Variants in SKI observed in about 807,000 individuals in gnomAD.
SKI encodes SKI proto-oncogene, also known as ski oncogene.
Under a neutral mutation model 59.3 loss-of-function variants are expected in SKI, and 23 were observed. That is an observed-to-expected ratio of 0.39 (90% CI 0.28 to 0.55). SKI has a LOEUF of 0.55. SKI is among the 20% of genes least tolerant of loss of function. The pLI is 0.67. For missense variants in SKI, 1,017 were observed against 1,038.9 expected (o/e 0.98, Z 0.29); for synonymous variants, 673 against 488.6 (o/e 1.38, Z -4.98).
At chr1:2,235,710 C>T (rs262680) in intron 1 of SKI, among the ~76,000 whole-genome samples, 59,279 of 152,036 alleles carry the variant, frequency 0.39, 12,506 homozygotes, top group East Asian at 0.64. Context: ...TGCTTATTTA[C>T]GAAAATGAAG....
At chr1:2,272,051 C>T (rs4648628) in intron 1 of SKI, among the ~76,000 whole-genome samples, 49,312 of 152,078 alleles carry the variant, frequency 0.32, 8,740 homozygotes, top group Admixed American at 0.44. Flanking sequence ...CTTGGGGGCC[C>T]CTGCCCGCCC....
intron 1 of SKI, among the ~76,000 whole-genome samples, chr1:2,302,578 C>T (rs1019351035): frequency 1.3e-5 from 2 of 151,580 alleles, no homozygotes; most frequent in African/African-American, 2.4e-5. Context: ...AGGACACACT[C>T]GGGTTCTAGG....
chr1:2,239,379 T>C (rs145430241), intron 1 of SKI, among the ~76,000 whole-genome samples: 14 of 152,336 alleles, frequency 9.2e-5, no homozygotes, highest in African/African-American at 3.4e-4. Context: ...CTGGGTTGCC[T>C]CTGTGTGGCT....
Position 2,303,842 on chromosome 1 carries a change from T to C in SKI, c.1214T>C (p.Phe405Ser), listed in dbSNP as rs1157376273. 6.2e-7 allele frequency: 1 copy of C among 1,612,446 alleles called. No homozygotes were observed. Among genetic ancestry groups the C allele is most frequent in the South Asian group, 1.1e-5 (1 of 91,040 alleles). The change falls in exon 4 of 7, where the codon TTC becomes TCC. Residue 405 changes from phenylalanine to serine, a missense_variant and splice_region_variant. Physicochemically the swap from Phe to Ser is radical, Grantham distance 155. Transcript: ENST00000378536. This position sits in a 1 kb window ranked among gnomAD's most constrained non-coding sequence, Gnocchi z 5.6. ...PHLPALIRDS[F>S]YSYKSFETAV... ...CCGACACCCGCCTGCCCCTCCAGCT[T>C]CTACTCCTACAAGAGCTTTGAGACA...
At chr1:2,234,051 C>T (rs1344775470) in intron 1 of SKI, among the ~76,000 whole-genome samples, 1 of 152,226 alleles carries the variant, frequency 6.6e-6, no homozygotes, top group Non-Finnish European at 1.5e-5. Flanking sequence ...GGGCCATGCT[C>T]TGGGGTCAGG....
chr1:2,271,533 G>A (rs973685542), intron 1 of SKI, among the ~76,000 whole-genome samples: 37 of 152,134 alleles, frequency 2.4e-4, no homozygotes, highest in Non-Finnish European at 3.7e-4. Context: ...CGGAGTGCCC[G>A]GCTGCCCTCG....
In SKI at chr1:2,242,385, G is replaced by A. The variant is rs534893987; in HGVS notation, c.969+12650G>A. 1.6e-4 allele frequency among the ~76,000 whole-genome samples: 24 copies of A among 152,310 alleles called. 1 individual carries two copies. The East Asian group carries it at 4.4e-3, about 28-fold the overall frequency. On this transcript the variant is annotated intron_variant, in intron 1 of 6. Coordinates refer to ENST00000378536, the MANE Select transcript of SKI (RefSeq NM_003036.4). ...CCTGTTTGTTCACGTCAGGGGAGAG[G>A]CAGGAATGTACCACATCTCTGTCGC...
chr1:2,294,520 C>T (rs1416174386), intron 1 of SKI, among the ~76,000 whole-genome samples: 1 of 152,262 alleles, frequency 6.6e-6, no homozygotes, highest in African/African-American at 2.4e-5. Context: ...GTGCCGTTTC[C>T]TCCTCCCTTG....
intron 1 of SKI, among the ~76,000 whole-genome samples, chr1:2,287,668 G>A (rs965973993): frequency 3.9e-5 from 6 of 152,116 alleles, no homozygotes; most frequent in Admixed American, 1.3e-4. Context: ...CTGCCGCAGG[G>A]GGGGTGTGGA....
chr1:2,304,637 G>A, intron 5 of SKI, 52 bp downstream of exon 5: 1 of 1,505,276 alleles, frequency 6.6e-7, no homozygotes. Context: ...AGTGAGCACA[G>A]CCTGCACCAG....
chr1:2,242,440 A>G (rs1434287987), intron 1 of SKI, among the ~76,000 whole-genome samples: 1 of 152,104 alleles, frequency 6.6e-6, no homozygotes, highest in Admixed American at 6.6e-5. Context: ...GATGTGGCCT[A>G]CCGTGGCCCC....
chr1:2,251,461 C>G (rs1213234620), intron 1 of SKI, among the ~76,000 whole-genome samples: 2 of 152,142 alleles, frequency 1.3e-5, no homozygotes, highest in Non-Finnish European at 2.9e-5. Context: ...TCAGAGCCGG[C>G]AGGGTTTTCC....
chr1:2,235,346 T>C (rs1011468836), intron 1 of SKI, among the ~76,000 whole-genome samples: 3 of 152,154 alleles, frequency 2.0e-5, no homozygotes, highest in African/African-American at 7.2e-5. Context: ...GCCTGGCCCC[T>C]GGAGTGGGTT....
rs148411237 is a variant in SKI, at chr1:2,294,052, T to C, written c.970-8926T>C. ...AGAACATGGAGGGGTGCTCATCTCA[T>C]GTCAGATATTGGAAGGATGTCGTGC... On this transcript the variant is annotated intron_variant, in intron 1 of 6. Coordinates refer to ENST00000378536, the MANE Select transcript of SKI (RefSeq NM_003036.4). 3.9e-5 allele frequency among the ~76,000 whole-genome samples: 6 copies of C among 152,272 alleles called. No individual in the cohort carries two copies. In the East Asian group the frequency reaches 9.7e-4, roughly 25 times the overall value.
intron 6 of SKI, 71 bp downstream of exon 6, chr1:2,306,321 C>G (rs111702776): frequency 1.5e-5 from 21 of 1,369,004 alleles, no homozygotes; most frequent in Non-Finnish European, 2.1e-5. Context: ...GGTGGCCAGT[C>G]CTGCCCAGCC....
chr1:2,265,243 C>T (rs1182661298), intron 1 of SKI, among the ~76,000 whole-genome samples: 1 of 152,186 alleles, frequency 6.6e-6, no homozygotes, highest in African/African-American at 2.4e-5. Flanking sequence ...CTCCTGCGTC[C>T]CTCCTCTGGG....
In SKI at chr1:2,308,039, C is replaced by G. The variant is rs1640643219; in HGVS notation, c.*1274C>G. Reference sequence around the variant, plus strand: ...GTTCCTTGCATTTATTCCAAATAATCTCGTTTACTCTCACCTGTTTATGCA... The same window carrying G: ...GTTCCTTGCATTTATTCCAAATAATGTCGTTTACTCTCACCTGTTTATGCA... On this transcript the variant is annotated 3_prime_UTR_variant, in exon 7 of 7. Transcript: ENST00000378536. 6.6e-6 allele frequency: 1 copy of G among 152,534 alleles called. No individual in the cohort carries two copies. The highest frequency in any genetic ancestry group is 2.1e-4 in the South Asian group (1 of 4,828). The allele number at this position is 152,534 out of a possible 1,614,324, so 9.4% of individuals were successfully genotyped here.
chr1:2,301,538 C>T (rs1327008082), intron 1 of SKI, among the ~76,000 whole-genome samples: 7 of 151,962 alleles, frequency 4.6e-5, no homozygotes, highest in African/African-American at 1.2e-4. Context: ...GGGGAGGCCA[C>T]GGGCTTTGGC....
rs1052172599 is a variant in SKI at position 2,268,832 on chromosome 1, C to A, written c.970-34146C>A. On this transcript the variant is annotated intron_variant, in intron 1 of 6. Transcript: ENST00000378536. This position sits in a 1 kb window ranked among gnomAD's most constrained non-coding sequence, Gnocchi z 5.0. ...CAGAGAGCCCCAGCTGCTGTGCTGC[C>A]GTATTCTGATTCCTTCTTCCCTCCC... is the stretch of plus-strand genomic sequence containing the variant. Among the ~76,000 whole-genome samples the A allele has an allele frequency of 6.6e-6, 1 of 152,158 alleles. No individual in the cohort carries two copies. The highest frequency in any genetic ancestry group is 1.5e-5 in the Non-Finnish European group (1 of 68,020).
Sources: allele counts gnomAD v4.1 joint callset (sites outside exome capture counted in the v4.1 genomes callset), GRCh38; gene constraint gnomAD v4.1.1; non-coding constraint Gnocchi (gnomAD v3.1); transcripts MANE v1.5; gene names NCBI Gene and HGNC (gene_info 2026-07-23, HGNC 2026-07-21).